PPP6C: variants seen among roughly 807,000 people sequenced by gnomAD.
PPP6C encodes serine/threonine-protein phosphatase 6 catalytic subunit.
In PPP6C, 11 loss-of-function variants were observed where a neutral mutation model predicts 39.8. That is an observed-to-expected ratio of 0.28 (90% CI 0.17 to 0.46). PPP6C has a LOEUF of 0.46. Among genes scored for constraint, PPP6C ranks in the 20% least tolerant of loss-of-function variants. The pLI, the probability that PPP6C is intolerant of heterozygous loss-of-function variation, is 1.00. For synonymous variants in PPP6C, 129 were observed against 130.3 expected (o/e 0.99, Z 0.07); for missense variants, 211 against 373.9 (o/e 0.56, Z 3.59).
chr9:125,157,482 T>TA (rs1322972519), intron 4 of PPP6C, among the ~76,000 whole-genome samples: 1 of 152,130 alleles, frequency 6.6e-6, no homozygotes, highest in Non-Finnish European at 1.5e-5. Context: ...ATAACATTAA[T>TA]AAAGTGAAAA....
chr9:125,180,067 C>G (rs1829390357), intron 1 of PPP6C, among the ~76,000 whole-genome samples: 1 of 152,142 alleles, frequency 6.6e-6, no homozygotes, highest in Non-Finnish European at 1.5e-5. Context: ...TGGCAACCAT[C>G]ACCATAATCA....
At chr9:125,155,822 G>A (rs576105249) in intron 4 of PPP6C, among the ~76,000 whole-genome samples, 2 of 150,738 alleles carry the variant, frequency 1.3e-5, no homozygotes, top group South Asian at 4.2e-4. Context: ...GGAGAATGGC[G>A]TGAACCCAGT....
intron 2 of PPP6C, among the ~76,000 whole-genome samples, chr9:125,167,379 C>CAAAAAAAAAAAAAAAAAA (rs758123351): frequency 4.6e-4 from 26 of 56,054 alleles, no homozygotes; most frequent in East Asian, 1.6e-3. Flanking sequence ...AGACCCTGTC[C>CAAAAAAAAAAAAAAAAAA]AAAAAAAAAA....
intron 4 of PPP6C, among the ~76,000 whole-genome samples, chr9:125,157,715 G>A (rs1416303299): frequency 5.2e-5 from 7 of 134,306 alleles, no homozygotes; most frequent in East Asian, 2.1e-4. Flanking sequence ...TTTTTGAGAC[G>A]GAGTCTCCCT....
intron 4 of PPP6C, among the ~76,000 whole-genome samples, chr9:125,156,883 G>A (rs1050641362): frequency 6.6e-6 from 1 of 151,808 alleles, no homozygotes; most frequent in African/African-American, 2.4e-5. Context: ...AGCGATCTTG[G>A]CTCACTGCAA....
chr9:125,152,337 T>C (rs1196034804), intron 6 of PPP6C, among the ~76,000 whole-genome samples: 4 of 152,216 alleles, frequency 2.6e-5, no homozygotes, highest in African/African-American at 9.7e-5. Flanking sequence ...GCAAATGTGC[T>C]TCCTGCTATG....
At chr9:125,171,985 T>C (rs758322600) in intron 1 of PPP6C, 127 of 466,140 alleles carry the variant, frequency 2.7e-4, no homozygotes, top group African/African-American at 6.0e-5. Context: ...AGAAGCCTAA[T>C]GCATCATAGC....
intron 1 of PPP6C, among the ~76,000 whole-genome samples, chr9:125,189,264 G>A (rs1435991512): frequency 2.0e-5 from 3 of 152,246 alleles, no homozygotes; most frequent in Non-Finnish European, 2.9e-5. Context: ...ACCTCCGGTG[G>A]AGGCGACCCC....
At chr9:125,154,687 A>G (rs1327445701) in intron 4 of PPP6C, among the ~76,000 whole-genome samples, 1 of 152,244 alleles carries the variant, frequency 6.6e-6, no homozygotes, top group Non-Finnish European at 1.5e-5. Context: ...AGACAATTCT[A>G]GCAGGATAAA....
At chr9:125,174,909 C>T (rs1006063352) in intron 1 of PPP6C, among the ~76,000 whole-genome samples, 18 of 141,918 alleles carry the variant, frequency 1.3e-4, no homozygotes, top group African/African-American at 3.7e-4. Context: ...GAGAACCTAT[C>T]TAAAAAAAAG....
rs970201923 is a variant in PPP6C, at chr9:125,158,108, T to A, written c.379+133A>T. The A allele has an allele frequency of 5.5e-6, 5 of 910,612 alleles. No individual in the cohort carries two copies. The African/African-American group carries it at 6.7e-5, about 12-fold the overall frequency. 56.4% of individuals were successfully genotyped at this position (910,612 alleles called of 1,614,324 possible). A position where few individuals can be genotyped will look rare whatever the true frequency, so the allele number is the denominator to read the frequency against. On this transcript the variant is annotated intron_variant, in intron 4 of 6. Coordinates refer to ENST00000373547, the MANE Select transcript of PPP6C (RefSeq NM_002721.5). Reference sequence around the variant, plus strand: ...TTCTCTCGAGCATAAGATTTTCAATTGTTTGGGAGGAGTGAAGGAGTGAGG... The same window carrying A: ...TTCTCTCGAGCATAAGATTTTCAATAGTTTGGGAGGAGTGAAGGAGTGAGG...
rs1422173656 is a variant in PPP6C at position 125,160,916 on chromosome 9, A to G, written c.172-10T>C. ...CACAAAGGTCATAAAACTATAAAAG[A>G]AATGCAATACATGCTGATTACAAAT... On this transcript the variant is annotated splice_polypyrimidine_tract_variant and intron_variant, in intron 2 of 6. Transcript: ENST00000373547. 6.4e-7 allele frequency: 1 copy of G among 1,560,472 alleles called. No homozygotes were observed. Among genetic ancestry groups the G allele is most frequent in the Non-Finnish European group, 8.6e-7 (1 of 1,157,144 alleles).
chr9:125,167,379 C>CAAAAA (rs758123351), intron 2 of PPP6C, among the ~76,000 whole-genome samples: 822 of 54,898 alleles, frequency 0.015, 5 homozygotes, highest in Non-Finnish European at 0.02. Flanking sequence ...AGACCCTGTC[C>CAAAAA]AAAAAAAAAA....
At chr9:125,167,389 A>AAAAAAAAAG (rs1829042034) in intron 2 of PPP6C, among the ~76,000 whole-genome samples, 5 of 138,056 alleles carry the variant, frequency 3.6e-5, no homozygotes, top group African/African-American at 1.4e-4. Context: ...CAAAAAAAAA[A>AAAAAAAAAG]AAAAAAAAAA....
At chr9:125,178,077 A>G (rs1330062242) in intron 1 of PPP6C, among the ~76,000 whole-genome samples, 1 of 152,210 alleles carries the variant, frequency 6.6e-6, no homozygotes, top group Non-Finnish European at 1.5e-5. Flanking sequence ...GGTTCCTTCC[A>G]AGTTTTGGCA....
chr9:125,176,739 C>T (rs923396251), intron 1 of PPP6C, among the ~76,000 whole-genome samples: 2 of 152,086 alleles, frequency 1.3e-5, no homozygotes, highest in African/African-American at 4.8e-5. Flanking sequence ...AAGGAGTAAG[C>T]AGGGAGATCA....
At chr9:125,151,223 A>C in intron 6 of PPP6C, 2 of 1,510,910 alleles carry the variant, frequency 1.3e-6, no homozygotes, top group Non-Finnish European at 1.8e-6. Context: ...TTGATTCACA[A>C]AGAAGGCCAA....
rs1835833737 is a variant in PPP6C, at chr9:125,147,311, A to T, written c.*2362T>A. On this transcript the variant is annotated 3_prime_UTR_variant, in exon 7 of 7. Transcript: ENST00000373547. ...TAGTTTTTACCCCCATTGATACAAC[A>T]TAAGGGATTTTACATTCAGCCTAGA... is the stretch of plus-strand genomic sequence containing the variant. 1 of 152,216 alleles carries T rather than the reference A, an allele frequency of 6.6e-6. No individual in the cohort carries two copies. The highest frequency in any genetic ancestry group is 2.1e-4 in the South Asian group (1 of 4,834). 9.4% of individuals were successfully genotyped at this position (152,216 alleles called of 1,614,324 possible). A position where few individuals can be genotyped will look rare whatever the true frequency, so the allele number is the denominator to read the frequency against.
At chr9:125,162,750 T>C (rs1402937387) in intron 2 of PPP6C, among the ~76,000 whole-genome samples, 1 of 140,366 alleles carries the variant, frequency 7.1e-6, no homozygotes, top group Non-Finnish European at 1.5e-5. Context: ...CACTCTAGCC[T>C]GGGTGACAGA....
Sources: allele counts gnomAD v4.1 joint callset (sites outside exome capture counted in the v4.1 genomes callset), GRCh38; gene constraint gnomAD v4.1.1; transcripts MANE v1.5; gene names NCBI Gene and HGNC (gene_info 2026-07-23, HGNC 2026-07-21).